Variants in FGF14 observed in about 807,000 individuals in gnomAD.
FGF14 encodes the protein fibroblast growth factor homologous factor 4.
A neutral mutation model predicts 25.5 loss-of-function variants in FGF14; 5 were observed. The ratio of observed to expected loss-of-function variants is 0.20; its 90% confidence interval spans 0.10 to 0.41. The LOEUF (loss-of-function observed/expected upper bound fraction) is 0.41. FGF14 is among the 10% of genes least tolerant of loss of function. The pLI is 1.00. For missense variants in FGF14, 222 were observed against 320.1 expected, an observed-to-expected ratio of 0.69 and a Z score of 2.34; for synonymous variants, 138 against 118.3, an observed-to-expected ratio of 1.17 and a Z score of -1.08.
At chr13:102,131,610 T>A (rs1250761073) in intron 1 of FGF14, among the ~76,000 whole-genome samples, 1 of 152,182 alleles carries the variant, frequency 6.6e-6, no homozygotes, top group Admixed American at 6.5e-5. Context: ...AATACTATTT[T>A]CTATATGAAG....
intron 1 of FGF14, among the ~76,000 whole-genome samples, chr13:101,959,087 C>T (rs537638667): frequency 1.4e-4 from 21 of 152,314 alleles, no homozygotes; most frequent in African/African-American, 4.1e-4. Flanking sequence ...GACTGTTTCA[C>T]TGCAGATCAT....
At position 102,250,705 on chromosome 13, in the gene FGF14, C is replaced by T. The variant is rs145822041; in HGVS notation, c.208+150766G>A. 2.8e-3 allele frequency among the ~76,000 whole-genome samples: 421 copies of T among 152,262 alleles called. 16 individuals are homozygous for T. The highest frequency in any genetic ancestry group is 0.02 in the Admixed American group (311 of 15,278). ...TTTATTTAAAGAGACATATTTGTTT[C>T]AGAGAATGCTGATTAATATGCTGAT... On this transcript the variant is annotated intron_variant, in intron 1 of 4. Coordinates refer to the FGF14 transcript ENST00000376131.
At chr13:101,933,284 T>C (rs545122999) in intron 1 of FGF14, among the ~76,000 whole-genome samples, 93 of 152,346 alleles carry the variant, frequency 6.1e-4, no homozygotes, top group African/African-American at 2.1e-3. Flanking sequence ...CTCCCATTTG[T>C]TCTATGAATA....
intron 1 of FGF14, among the ~76,000 whole-genome samples, chr13:102,392,354 TA>T (rs2058452319): frequency 6.6e-6 from 1 of 152,220 alleles, no homozygotes; most frequent in Non-Finnish European, 1.5e-5. Flanking sequence ...ATTGTGTCCA[TA>T]AAAACATCTG....
chr13:102,092,469 A>G (rs1001300779), intron 1 of FGF14, among the ~76,000 whole-genome samples: 3 of 152,176 alleles, frequency 2.0e-5, no homozygotes, highest in African/African-American at 7.2e-5. Context: ...TCCTTTATGA[A>G]TTTAGTTGAG....
chr13:102,022,455 A>G (rs1269616644), intron 1 of FGF14, among the ~76,000 whole-genome samples: 4 of 152,114 alleles, frequency 2.6e-5, no homozygotes, highest in Non-Finnish European at 4.4e-5. Flanking sequence ...AAGAGATGGC[A>G]TTATCAACCT....
intron 1 of FGF14, among the ~76,000 whole-genome samples, chr13:101,881,180 A>G (rs1330115710): frequency 1.3e-5 from 2 of 152,220 alleles, no homozygotes; most frequent in Admixed American, 6.5e-5. Flanking sequence ...TTCCTAGCCC[A>G]GGGTTGAACT....
At chr13:102,021,608 A>G (rs1156657607) in intron 1 of FGF14, among the ~76,000 whole-genome samples, 2 of 152,100 alleles carry the variant, frequency 1.3e-5, no homozygotes, top group African/African-American at 4.8e-5. Flanking sequence ...GACAATCAGC[A>G]AAAGATATGG....
At chr13:101,770,633 T>TTA (rs2038709590) in intron 3 of FGF14, among the ~76,000 whole-genome samples, 1 of 152,138 alleles carries the variant, frequency 6.6e-6, no homozygotes, top group Non-Finnish European at 1.5e-5. Context: ...GAAATGTCAA[T>TTA]TATATATCAA....
rs553862620 is a variant in FGF14 at position 102,048,380 on chromosome 13, G to A, written c.209-173084C>T. On this transcript the variant is annotated intron_variant, in intron 1 of 4. Transcript: ENST00000376131. The stretch of plus-strand genomic sequence containing the variant: ...CACATGAAGAGTTTGCAGAGTGCCT[G>A]ATACCTTGTGGTTAGTATACGGTAA... 3.9e-5 allele frequency among the ~76,000 whole-genome samples: 6 copies of A among 152,308 alleles called. No individual in the cohort carries two copies. In the South Asian group the frequency reaches 1.2e-3, roughly 32 times the overall value.
chr13:102,019,374 G>GCC (rs1355778840), intron 1 of FGF14, among the ~76,000 whole-genome samples: 1 of 152,076 alleles, frequency 6.6e-6, no homozygotes, highest in Non-Finnish European at 1.5e-5. Flanking sequence ...CTACCCACCT[G>GCC]CCTCCCTCTA....
At chr13:101,861,111 C>T (rs1566331778) in intron 3 of FGF14, among the ~76,000 whole-genome samples, 1 of 152,116 alleles carries the variant, frequency 6.6e-6, no homozygotes, top group African/African-American at 2.4e-5. Flanking sequence ...ATGTCACTGA[C>T]CCAGCATATT....
At chr13:101,789,194 T>C (rs2040087719) in intron 3 of FGF14, among the ~76,000 whole-genome samples, 1 of 151,970 alleles carries the variant, frequency 6.6e-6, no homozygotes, top group African/African-American at 2.4e-5. Flanking sequence ...GTATCTAGAA[T>C]TAATGTCTGG....
At chr13:102,219,263 G>A (rs1299850187) in intron 1 of FGF14, among the ~76,000 whole-genome samples, 1 of 152,112 alleles carries the variant, frequency 6.6e-6, no homozygotes, top group Non-Finnish European at 1.5e-5. Context: ...TTTGGGTGTT[G>A]CGTCCACTCC....
intron 4 of FGF14, among the ~76,000 whole-genome samples, chr13:101,724,602 A>G (rs2035255900): frequency 1.4e-4 from 1 of 6,932 alleles, no homozygotes; most frequent in Admixed American, 2.2e-3. Flanking sequence ...AATAAAATAT[A>G]TATATATATA....
chr13:102,064,700 A>G (rs2042830829), intron 1 of FGF14, among the ~76,000 whole-genome samples: 1 of 152,108 alleles, frequency 6.6e-6, no homozygotes, highest in African/African-American at 2.4e-5. Context: ...GATTCAACCA[A>G]ACATGAACAG....
At chr13:101,938,248 A>T (rs1723109459) in intron 1 of FGF14, among the ~76,000 whole-genome samples, 2 of 152,184 alleles carry the variant, frequency 1.3e-5, no homozygotes, top group South Asian at 4.1e-4. Flanking sequence ...GCAGACAAAG[A>T]TTACATTTGA....
chr13:102,108,063 GAATTA>G (rs1172043704), intron 1 of FGF14, among the ~76,000 whole-genome samples: 1 of 152,114 alleles, frequency 6.6e-6, no homozygotes, highest in Non-Finnish European at 1.5e-5. Flanking sequence ...GCATTAAATT[GAATTA>G]TATTTAATAA....
chr13:101,807,890 T>A (rs1335511862), intron 3 of FGF14, among the ~76,000 whole-genome samples: 1 of 152,104 alleles, frequency 6.6e-6, no homozygotes, highest in Non-Finnish European at 1.5e-5. Context: ...GAATGCTGGA[T>A]TCTCAGGCCC....
Sources: gnomAD v4.1 joint callset for allele counts (sites outside exome capture counted in the v4.1 genomes callset) on GRCh38, gnomAD v4.1.1 for gene constraint, MANE v1.5 for transcripts, NCBI Gene and HGNC (gene_info 2026-07-23, HGNC 2026-07-21) for gene names.